SEC16B: variants seen among roughly 807,000 people sequenced by gnomAD.
The protein encoded by SEC16B is protein transport protein Sec16B.
A neutral mutation model predicts 141.8 loss-of-function variants in SEC16B; 115 were observed. The observed-to-expected ratio is 0.81, with a 90% CI of 0.70 to 0.95. SEC16B has a LOEUF of 0.95. Ranked by LOEUF, SEC16B falls within the 40% of genes least tolerant of loss-of-function variation. The pLI, the probability that SEC16B is intolerant of heterozygous loss-of-function variation, is 0.00. For synonymous variants in SEC16B, 493 were observed against 492.5 expected (o/e 1.00, Z -0.01); for missense variants, 1,291 against 1,312.3 (o/e 0.98, Z 0.25).
At chr1:177,969,460 A>T (rs1653807622) in intron 1 of SEC16B, among the ~76,000 whole-genome samples, 1 of 152,186 alleles carries the variant, frequency 6.6e-6, no homozygotes, top group African/African-American at 2.4e-5. Context: ...GGAAAGGCCA[A>T]ATGTCCCAGA....
At chr1:177,950,720 G>A (rs969707467) in intron 12 of SEC16B, among the ~76,000 whole-genome samples, 1 of 152,028 alleles carries the variant, frequency 6.6e-6, no homozygotes, top group Non-Finnish European at 1.5e-5. Context: ...TCAGGAAATA[G>A]ATGGTAGATA....
intron 24 of SEC16B, 114 bp downstream of exon 24, chr1:177,932,376 C>G (rs905241933): frequency 1.4e-6 from 1 of 739,490 alleles, no homozygotes; most frequent in African/African-American, 1.8e-5. Context: ...ACTAACACAG[C>G]AGAGAAGCAT....
rs1186772036 is a variant in SEC16B, at chr1:177,940,668, C to T, written c.2069G>A (p.Arg690His). 2.5e-6 allele frequency: 4 copies of T among 1,613,744 alleles called. No homozygotes were observed. Among genetic ancestry groups the T allele is most frequent in the South Asian group, 2.2e-5 (2 of 91,062 alleles). Residue 690 changes from arginine (R) to histidine (H), a missense_variant, in exon 17 of 26, where the codon CGC becomes CAC. Physicochemically the swap from Arg to His is conservative, Grantham distance 29. Transcript: ENST00000308284. ...KLSDPLVLERRSGDRDLEPDW... is the reference protein window; with the variant it reads ...KLSDPLVLERHSGDRDLEPDW... ...TGGCTCCAGGTCCCTGTCTCCACTG[C>T]GTCTTTCTAAAACCAGAGGATCTGA...
upstream of SEC16B, among the ~76,000 whole-genome samples, chr1:177,974,258 C>T (rs1229971669): frequency 6.6e-6 from 1 of 152,080 alleles, no homozygotes; most frequent in Non-Finnish European, 1.5e-5. Flanking sequence ...AAGTAGTTCA[C>T]TGTAATGAGC....
At chr1:177,944,484 C>T (rs1651520037) in intron 15 of SEC16B, 77 bp downstream of exon 15, 14 of 1,218,766 alleles carry the variant, frequency 1.1e-5, no homozygotes, top group Middle Eastern at 2.1e-4. Context: ...TACTAAGTGC[C>T]AAAAAGCAAA....
chr1:177,939,931 C>G (rs138371401), intron 17 of SEC16B, among the ~76,000 whole-genome samples, 154 bp from the exon 18 acceptor site: 1 of 152,086 alleles, frequency 6.6e-6, no homozygotes, highest in Non-Finnish European at 1.5e-5. Context: ...TGGGGGGTCA[C>G]GTGGACAGGG....
intron 16 of SEC16B, among the ~76,000 whole-genome samples, chr1:177,941,426 G>T (rs144250722): frequency 1.3e-5 from 2 of 152,190 alleles, no homozygotes; most frequent in African/African-American, 4.8e-5. Context: ...TTGCTTGATT[G>T]TTGTTTTCTT....
At chr1:177,961,868 T>G in intron 5 of SEC16B, 134 bp from the exon 6 acceptor site, 1 of 860,348 alleles carries the variant, frequency 1.2e-6, no homozygotes, top group Non-Finnish European at 1.8e-6. Context: ...ATCAAGTTGA[T>G]AGGCATTTGC....
upstream of SEC16B, among the ~76,000 whole-genome samples, chr1:177,970,495 G>A (rs186079156): frequency 2.6e-4 from 40 of 152,324 alleles, no homozygotes; most frequent in East Asian, 7.5e-3. Flanking sequence ...TTCCCAAAGA[G>A]ACAAGTTAAT....
At chr1:177,972,826 G>A (rs369952933), upstream of SEC16B, among the ~76,000 whole-genome samples, 6 of 152,298 alleles carry the variant, frequency 3.9e-5, no homozygotes, top group East Asian at 5.8e-4. Context: ...ATTAGGGCAT[G>A]AGAGTGGAGC....
chr1:177,945,254 G>C (rs887514893), intron 14 of SEC16B: 7 of 152,230 alleles, frequency 4.6e-5, no homozygotes, highest in African/African-American at 1.7e-4. Flanking sequence ...GGCAGGTGGT[G>C]GGCACAAGAG....
chr1:177,963,648 A>G (rs768844979), intron 5 of SEC16B, among the ~76,000 whole-genome samples: 16 of 152,208 alleles, frequency 1.1e-4, no homozygotes, highest in Non-Finnish European at 1.9e-4. Flanking sequence ...AATTTTCCAC[A>G]AATCTAAAAT....
intron 1 of SEC16B, among the ~76,000 whole-genome samples, chr1:177,968,747 A>T (rs1427943150): frequency 3.3e-5 from 5 of 152,166 alleles, no homozygotes; most frequent in Non-Finnish European, 5.9e-5. Flanking sequence ...TAACCCCCTC[A>T]AAGAACTAGA....
In SEC16B at chr1:177,929,741, C is replaced by T. The variant is rs114432947; in HGVS notation, c.*117G>A. Reference sequence around the variant, plus strand: ...CCTTCTAAGTGCCCGGTGGAGGCATCGGGCTAGCACAAACCTCTTGAGGGT... The same window carrying T: ...CCTTCTAAGTGCCCGGTGGAGGCATTGGGCTAGCACAAACCTCTTGAGGGT... On this transcript the variant is annotated 3_prime_UTR_variant, in exon 26 of 26. Transcript: ENST00000308284. 7.7e-4 allele frequency: 845 copies of T among 1,098,184 alleles called. 4 individuals carry two copies. The African/African-American group carries it at 0.012, about 15-fold the overall frequency. The allele number at this position is 1,098,184 out of a possible 1,614,324, so 68.0% of individuals were successfully genotyped here. A position where few individuals can be genotyped will look rare whatever the true frequency, so the allele number is the denominator to read the frequency against.
chr1:177,964,925 GC>G, intron 4 of SEC16B, 121 bp downstream of exon 4: 1 of 1,183,324 alleles, frequency 8.5e-7, no homozygotes, highest in Non-Finnish European at 1.2e-6. Context: ...TATCCCTGTG[GC>G]TACAACAAAG....
At chr1:177,974,456 A>G (rs2862300), upstream of SEC16B, among the ~76,000 whole-genome samples, 52,565 of 152,056 alleles carry the variant, frequency 0.35, 10,906 homozygotes, top group African/African-American at 0.58. Context: ...ATAACCAGAA[A>G]AGGATGGTGT....
At chr1:177,937,123 C>T (rs1021764201) in intron 19 of SEC16B, 91 bp downstream of exon 19, 1 of 1,394,902 alleles carries the variant, frequency 7.2e-7, no homozygotes, top group East Asian at 2.4e-5. Flanking sequence ...CCAACCCTAC[C>T]TCCTCTGACT....
At chr1:177,953,536 AC>A (rs1652366898) in intron 11 of SEC16B, among the ~76,000 whole-genome samples, 1 of 152,132 alleles carries the variant, frequency 6.6e-6, no homozygotes, top group Non-Finnish European at 1.5e-5. Context: ...AGCCTGAAGG[AC>A]TTATTCAGAA....
chr1:177,960,625 C>A (rs776602244), intron 7 of SEC16B, 166 bp downstream of exon 7: 28 of 750,258 alleles, frequency 3.7e-5, no homozygotes, highest in Non-Finnish European at 5.7e-5. Flanking sequence ...AGAGCCCCAC[C>A]CATTCCTGCA....
Sources: gnomAD v4.1 joint callset for allele counts (sites outside exome capture counted in the v4.1 genomes callset) on GRCh38, gnomAD v4.1.1 for gene constraint, MANE v1.5 for transcripts, NCBI Gene and HGNC (gene_info 2026-07-23, HGNC 2026-07-21) for gene names.